KHDRBS2: variants seen among roughly 807,000 people sequenced by gnomAD.
KHDRBS2 encodes KH RNA binding domain containing, signal transduction associated 2.
Under a neutral mutation model 44.3 loss-of-function variants are expected in KHDRBS2, and 26 were observed. The observed-to-expected ratio is 0.59, with a 90% CI of 0.43 to 0.81. The LOEUF is 0.81. KHDRBS2 is among the 40% of genes least tolerant of loss of function. KHDRBS2 has a pLI of 0.00. For synonymous variants in KHDRBS2, 194 were observed against 151.1 expected, an observed-to-expected ratio of 1.28 and a Z score of -2.08; for missense variants, 476 against 433.1, an observed-to-expected ratio of 1.10 and a Z score of -0.88.
the KHDRBS2 span, among the ~76,000 whole-genome samples, chr6:61,609,403 A>G: frequency 6.6e-6 from 1 of 152,330 alleles, no homozygotes; most frequent in East Asian, 1.9e-4. Context: ...TTATTTCAAA[A>G]AGAGTAACTA....
chr6:62,225,051 AT>A (rs1215440361), intron 1 of KHDRBS2, among the ~76,000 whole-genome samples: 1 of 152,222 alleles, frequency 6.6e-6, no homozygotes, highest in East Asian at 1.9e-4. Context: ...GTCTGAATAC[AT>A]TTTTTATTTT....
intron 2 of KHDRBS2, among the ~76,000 whole-genome samples, chr6:62,114,946 A>T: frequency 6.6e-6 from 1 of 152,306 alleles, no homozygotes; most frequent in Middle Eastern, 3.4e-3. Flanking sequence ...ATATTTAGTA[A>T]GTAATTTTCA....
chr6:62,022,384 TAACC>T (rs1341431214), intron 3 of KHDRBS2, among the ~76,000 whole-genome samples: 2 of 151,712 alleles, frequency 1.3e-5, no homozygotes, highest in African/African-American at 4.8e-5. Flanking sequence ...CTGTATGAGT[TAACC>T]AACCTGTCTG....
At position 62,106,522 on chromosome 6, in the gene KHDRBS2, A is replaced by G. The variant is rs571277314; in HGVS notation, c.220-58528T>C. The stretch of plus-strand genomic sequence containing the variant: ...CTATTCTTGGTGAATTGATCCCTTT[A>G]CCAGGTACAAGGAGGAACTGGTACC... On this transcript the variant is annotated intron_variant, in intron 2 of 8. Transcript: ENST00000281156. Among the ~76,000 whole-genome samples, 15 of 152,226 alleles carry G rather than the reference A, an allele frequency of 9.9e-5. No homozygotes were observed. In the East Asian group the frequency reaches 1.4e-3, roughly 14 times the overall value.
At chr6:62,265,110 T>C (rs556725359) in intron 1 of KHDRBS2, among the ~76,000 whole-genome samples, 4 of 152,086 alleles carry the variant, frequency 2.6e-5, no homozygotes, top group African/African-American at 9.6e-5. Context: ...ATCAGAGAAC[T>C]ATTAAGCTTA....
intron 6 of KHDRBS2, among the ~76,000 whole-genome samples, chr6:61,737,175 C>T (rs1443585684): frequency 1.3e-5 from 2 of 151,732 alleles, no homozygotes; most frequent in Non-Finnish European, 2.9e-5. Flanking sequence ...ACTATTTGGC[C>T]CAGGAAGATT....
At chr6:61,975,354 A>G (rs1772361931) in intron 4 of KHDRBS2, among the ~76,000 whole-genome samples, 1 of 152,140 alleles carries the variant, frequency 6.6e-6, no homozygotes, top group Non-Finnish European at 1.5e-5. Flanking sequence ...AGAATTCTTC[A>G]TCTACAATGT....
At chr6:61,665,535 A>G in the KHDRBS2 span, among the ~76,000 whole-genome samples, 2 of 151,374 alleles carry the variant, frequency 1.3e-5, no homozygotes, top group Non-Finnish European at 3.0e-5. Context: ...GAAAAAAATA[A>G]ACTTTCAAAA....
At chr6:61,850,499 T>C (rs150914411) in intron 6 of KHDRBS2, among the ~76,000 whole-genome samples, 1,580 of 152,304 alleles carry the variant, frequency 0.01, 11 homozygotes, top group Non-Finnish European at 0.015. Flanking sequence ...ACTGCTGATA[T>C]TTCCAACTTC....
At chr6:62,003,364 C>T (rs1197946120) in intron 3 of KHDRBS2, among the ~76,000 whole-genome samples, 2 of 152,012 alleles carry the variant, frequency 1.3e-5, no homozygotes, top group Non-Finnish European at 2.9e-5. Context: ...AGGACAAAAT[C>T]ATTTATTCAA....
chr6:61,836,450 T>G (rs1416329783), intron 6 of KHDRBS2, among the ~76,000 whole-genome samples: 1 of 152,026 alleles, frequency 6.6e-6, no homozygotes, highest in East Asian at 1.9e-4. Flanking sequence ...GGCTGCCTGT[T>G]TTTAACTTTA....
intron 7 of KHDRBS2, among the ~76,000 whole-genome samples, chr6:61,731,519 C>CA (rs879531464): frequency 2.0e-5 from 3 of 152,056 alleles, no homozygotes; most frequent in Non-Finnish European, 4.4e-5. Flanking sequence ...ACTGTGCTGT[C>CA]ACTCAGGCCA....
At chr6:62,109,378 A>G (rs1009722666) in intron 2 of KHDRBS2, among the ~76,000 whole-genome samples, 1 of 152,060 alleles carries the variant, frequency 6.6e-6, no homozygotes, top group Non-Finnish European at 1.5e-5. Flanking sequence ...CAAAAATTCT[A>G]TAGCTAATAT....
At chr6:61,548,124 G>A in the KHDRBS2 span, among the ~76,000 whole-genome samples, 2 of 151,984 alleles carry the variant, frequency 1.3e-5, no homozygotes, top group Non-Finnish European at 2.9e-5. Context: ...CTTCAAAAGA[G>A]AATAGAAAAT....
At chr6:61,808,952 A>C (rs187523778) in intron 6 of KHDRBS2, among the ~76,000 whole-genome samples, 1 of 152,244 alleles carries the variant, frequency 6.6e-6, no homozygotes, top group East Asian at 1.9e-4. Flanking sequence ...TTTGGCATAA[A>C]ATGTGTTTAG....
At chr6:61,946,244 A>G (rs1362845310) in intron 4 of KHDRBS2, among the ~76,000 whole-genome samples, 1 of 152,208 alleles carries the variant, frequency 6.6e-6, no homozygotes, top group Non-Finnish European at 1.5e-5. Context: ...TCCACAATGA[A>G]TTAATCACTC....
rs192946159 is a variant in KHDRBS2, at chr6:62,042,734, T to G, written c.336+5144A>C. Among the ~76,000 whole-genome samples the G allele has an allele frequency of 2.6e-5, 4 of 152,218 alleles. No homozygotes were observed. In the East Asian group the frequency reaches 5.8e-4, roughly 22 times the overall value. On this transcript the variant is annotated intron_variant, in intron 3 of 8. Coordinates refer to ENST00000281156, the MANE Select transcript of KHDRBS2 (RefSeq NM_152688.4). The stretch of plus-strand genomic sequence containing the variant: ...ACTGTTGATGAAAATCAATTTGCCA[T>G]GAAATCAGAAAGAATTTACTAAAGT...
chr6:62,099,275 C>T (rs1330348815), intron 2 of KHDRBS2, among the ~76,000 whole-genome samples: 1 of 152,114 alleles, frequency 6.6e-6, no homozygotes, highest in Non-Finnish European at 1.5e-5. Context: ...TTTGTTTATG[C>T]CAGTCCTTCT....
At chr6:61,718,841 A>G (rs1771870306) in intron 7 of KHDRBS2, among the ~76,000 whole-genome samples, 1 of 152,140 alleles carries the variant, frequency 6.6e-6, no homozygotes, top group Non-Finnish European at 1.5e-5. Context: ...GTCCACTGAA[A>G]ATAGTTCCCT....
Sources: gnomAD v4.1 joint callset for allele counts (sites outside exome capture counted in the v4.1 genomes callset) on GRCh38, gnomAD v4.1.1 for gene constraint, MANE v1.5 for transcripts, NCBI Gene and HGNC (gene_info 2026-07-23, HGNC 2026-07-21) for gene names.